The following ZNF496 variants were observed in gnomAD, a reference collection of about 807,000 sequenced individuals.
ZNF496 encodes NSD1 (nuclear receptor binding SET-domain containing 1)-interacting zinc finger protein 1.
In ZNF496, 11 loss-of-function variants were observed where a neutral mutation model predicts 58.9. The observed-to-expected ratio is 0.19, with a 90% CI of 0.12 to 0.31. The LOEUF is 0.31. Ranked by LOEUF, ZNF496 falls within the 10% of genes least tolerant of loss-of-function variation. The pLI is 1.00. For missense variants in ZNF496, 660 were observed against 783.0 expected (o/e 0.84, Z 1.88); for synonymous variants, 338 against 318.2 (o/e 1.06, Z -0.66).
At chr1:247,310,162 G>A (rs761521020) in intron 7 of ZNF496, 162 bp downstream of exon 7, 10 of 1,452,968 alleles carry the variant, frequency 6.9e-6, no homozygotes, top group East Asian at 2.5e-5. Context: ...CTGTAGGGCC[G>A]CTGTGTGCAA....
Position 247,298,932 on chromosome 1 carries a change from G to A in ZNF496, c.*1587C>T, listed in dbSNP as rs1007388311. On this transcript the variant is annotated 3_prime_UTR_variant, in exon 10 of 10. Transcript: ENST00000682384. ...CCCAGCCCCCATCAGAAGGCAGGGA[G>A]GAAGGGGAATTTGTCAGCGTTTACG... 12 of 152,240 alleles carry A rather than the reference G, an allele frequency of 7.9e-5. No individual in the cohort carries two copies. In the East Asian group the frequency reaches 2.3e-3, roughly 29 times the overall value. 9.4% of individuals were successfully genotyped at this position (152,240 alleles called of 1,614,324 possible). A position where few individuals can be genotyped will look rare whatever the true frequency, so the allele number is the denominator to read the frequency against.
At chr1:247,318,377 T>G (rs917351405) in intron 6 of ZNF496, among the ~76,000 whole-genome samples, 5 of 152,140 alleles carry the variant, frequency 3.3e-5, no homozygotes, top group Non-Finnish European at 5.9e-5. Context: ...CCTAGAAATG[T>G]AAGAAGCTGA....
At position 247,308,371 on chromosome 1, in the gene ZNF496, G is replaced by A. The variant is rs2103019647; in HGVS notation, c.1006+104C>T. On this transcript the variant is annotated intron_variant, in intron 9 of 9. Coordinates refer to ENST00000682384, the MANE Select transcript of ZNF496 (RefSeq NM_032752.3). The surrounding 1 kb of genome is among the most constrained non-coding windows in gnomAD (Gnocchi z 4.5). ...ACCACATGTGTATGCACGCACACATGCATTCAACACAACCATCCCCTATGC... is the reference window on the plus strand; with the variant it reads ...ACCACATGTGTATGCACGCACACATACATTCAACACAACCATCCCCTATGC... The A allele has an allele frequency of 1.8e-5, 18 of 1,015,960 alleles. No individual in the cohort carries two copies. In the South Asian group the frequency reaches 2.4e-4, roughly 13 times the overall value. 62.9% of individuals were successfully genotyped at this position (1,015,960 alleles called of 1,614,324 possible). A position where few individuals can be genotyped will look rare whatever the true frequency, so the allele number is the denominator to read the frequency against.
chr1:247,306,040 G>A (rs1659397610), intron 9 of ZNF496, among the ~76,000 whole-genome samples: 1 of 152,192 alleles, frequency 6.6e-6, no homozygotes, highest in African/African-American at 2.4e-5. Flanking sequence ...AAACTACAAC[G>A]ACACGTGGGT....
Position 247,309,492 on chromosome 1 carries a change from C to A in ZNF496, c.892+207G>T, listed in dbSNP as rs1659523536. 4.3e-6 allele frequency: 6 copies of A among 1,408,786 alleles called. No individual in the cohort carries two copies. The highest frequency in any genetic ancestry group is 5.5e-6 in the Non-Finnish European group (6 of 1,086,218). 87.3% of individuals were successfully genotyped at this position (1,408,786 alleles called of 1,614,324 possible). On this transcript the variant is annotated intron_variant, in intron 8 of 9. Transcript: ENST00000682384. This position sits in a 1 kb window ranked among gnomAD's most constrained non-coding sequence, Gnocchi z 4.3. ...TTCCCAGTCCTTGGCCAAGGGAGTACAATTCCAATGCCTGGCAAAATTAAG... is the reference window on the plus strand; with the variant it reads ...TTCCCAGTCCTTGGCCAAGGGAGTAAAATTCCAATGCCTGGCAAAATTAAG...
intron 5 of ZNF496, 137 bp from the exon 6 acceptor site, chr1:247,323,367 G>A: frequency 1.7e-6 from 1 of 602,414 alleles, no homozygotes; most frequent in South Asian, 2.1e-5. Context: ...ACAGGGAACT[G>A]TTTCATGGTG....
intron 6 of ZNF496, chr1:247,311,658 G>A (rs1659607466): frequency 6.6e-6 from 1 of 152,142 alleles, no homozygotes; most frequent in Non-Finnish European, 1.5e-5. Context: ...CCACTGTGTT[G>A]GGAGGTGACC....
At chr1:247,322,199 C>T (rs978764118) in intron 6 of ZNF496, among the ~76,000 whole-genome samples, 2 of 152,146 alleles carry the variant, frequency 1.3e-5, no homozygotes, top group Non-Finnish European at 2.9e-5. Context: ...GGGAGGATGG[C>T]TTGAGCTCAG....
chr1:247,300,839 G>GGTGGGA lies in ZNF496; in HGVS notation c.1438_1443dup (p.Ser480_His481dup). The GGTGGGA allele has an allele frequency of 6.2e-7, 1 of 1,610,158 alleles. No individual in the cohort carries two copies. Among genetic ancestry groups the GGTGGGA allele is most frequent in the Non-Finnish European group, 8.5e-7 (1 of 1,177,672 alleles). On this transcript the variant is annotated inframe_insertion, in exon 10 of 10. Transcript: ENST00000682384. This position sits in a 1 kb window ranked among gnomAD's most constrained non-coding sequence, Gnocchi z 5.7. The stretch of plus-strand genomic sequence containing the variant: ...CTGTCCGGCTGCAGGTGTATCCGCC[G>GGTGGGA]GTGGGAGAGCAGGTGGGAGTTCAGG...
chr1:247,308,572 C>T lies in ZNF496; in HGVS notation c.909G>A (p.Gln303=), dbSNP rs768940551. The T allele has an allele frequency of 6.2e-7, 1 of 1,614,078 alleles. No homozygotes were observed. Among genetic ancestry groups the T allele is most frequent in the Admixed American group, 1.7e-5 (1 of 60,014 alleles). ...QVSYLDSPSL[Q]PFQVEERRKR... is the part of the protein sequence containing the mutation. The stretch of plus-strand genomic sequence containing the variant: ...TCCTTCTTTCTTCTACCTGGAATGG[C>T]TGGAGACTTGGAGAGTCTTTCCAGA... The change falls in exon 9 of 10, where the codon CAG becomes CAA. Residue 303 remains glutamine, a synonymous_variant. Coordinates refer to ENST00000682384, the MANE Select transcript of ZNF496 (RefSeq NM_032752.3). This position sits in a 1 kb window ranked among gnomAD's most constrained non-coding sequence, Gnocchi z 4.5.
In ZNF496 at chr1:247,299,327, GGA is replaced by G. The variant is rs2103013683; in HGVS notation, c.*1190_*1191del. On this transcript the variant is annotated 3_prime_UTR_variant, in exon 10 of 10. Coordinates refer to ENST00000682384, the MANE Select transcript of ZNF496 (RefSeq NM_032752.3). ...CACGCACACAGCAAGAGTGCCATGT[GGA>G]GATGAAGGCAGAGACTGGGTGACGC... The G allele has an allele frequency of 6.6e-6, 1 of 152,268 alleles. No homozygotes were observed. Among genetic ancestry groups the G allele is most frequent in the East Asian group, 1.9e-4 (1 of 5,200 alleles). 9.4% of individuals were successfully genotyped at this position (152,268 alleles called of 1,614,324 possible).
chr1:247,302,680 G>A (rs938132202), intron 9 of ZNF496, among the ~76,000 whole-genome samples: 1 of 151,984 alleles, frequency 6.6e-6, no homozygotes, highest in Non-Finnish European at 1.5e-5. Context: ...CTTGGTTTTC[G>A]AGCTGCAGGA....
intron 6 of ZNF496, among the ~76,000 whole-genome samples, chr1:247,321,527 A>C (rs1659963308): frequency 6.6e-6 from 1 of 152,210 alleles, no homozygotes; most frequent in Non-Finnish European, 1.5e-5. Flanking sequence ...TGTGTATATT[A>C]CCACAATTAA....
chr1:247,313,422 C>G (rs1490579661), intron 6 of ZNF496: 1 of 152,178 alleles, frequency 6.6e-6, no homozygotes, highest in Non-Finnish European at 1.5e-5. Flanking sequence ...GCTCTTGGAT[C>G]CACCTCATCC....
Position 247,328,665 on chromosome 1 carries a change from CT to C in ZNF496, c.574+17del. On this transcript the variant is annotated intron_variant, in intron 5 of 9. Transcript: ENST00000682384. ...ACTTCCCCAGATCACCCCTGCTACA[CT>C]CCCCTGGGCTGCATACCTGGGTCCC... is the stretch of plus-strand genomic sequence containing the variant. The C allele has an allele frequency of 6.5e-7, 1 of 1,540,256 alleles. No homozygotes were observed. Among genetic ancestry groups the C allele is most frequent in the Non-Finnish European group, 8.7e-7 (1 of 1,142,998 alleles).
intron 9 of ZNF496, among the ~76,000 whole-genome samples, chr1:247,302,870 G>A (rs1040499385): frequency 1.3e-5 from 2 of 152,282 alleles, no homozygotes; most frequent in African/African-American, 4.8e-5. Context: ...CCAGGCTGCC[G>A]ATGACAAGGT....
intron 9 of ZNF496, 149 bp from the exon 10 acceptor site, chr1:247,301,425 A>G (rs1572067685): frequency 1.1e-6 from 1 of 933,316 alleles, no homozygotes; most frequent in Non-Finnish European, 1.5e-6. Flanking sequence ...CCAGCCCTGC[A>G]GGGGCCACTG....
At chr1:247,322,904 T>C in intron 6 of ZNF496, 1 of 870,096 alleles carries the variant, frequency 1.1e-6, no homozygotes, top group East Asian at 3.3e-5. Context: ...CTTTGTTTCC[T>C]GCTATCGTCT....
Position 247,323,143 on chromosome 1 carries a change from A to G in ZNF496, c.651+11T>C. 1 of 1,612,406 alleles carries G rather than the reference A, an allele frequency of 6.2e-7. No individual in the cohort carries two copies. Among genetic ancestry groups the G allele is most frequent in the South Asian group, 1.1e-5 (1 of 91,040 alleles). On this transcript the variant is annotated intron_variant, in intron 6 of 9. Coordinates refer to ENST00000682384, the MANE Select transcript of ZNF496 (RefSeq NM_032752.3). ...AGGGGATTTTCAAGGACTCCTGTAG[A>G]AACCACTCACCGGGGGTAGCTGGAG... is the stretch of plus-strand genomic sequence containing the variant.
Sources: allele counts gnomAD v4.1 joint callset (sites outside exome capture counted in the v4.1 genomes callset), GRCh38; gene constraint gnomAD v4.1.1; non-coding constraint Gnocchi (gnomAD v3.1); transcripts MANE v1.5; gene names NCBI Gene and HGNC (gene_info 2026-07-23, HGNC 2026-07-21).